CASQ2: variants seen among roughly 807,000 people sequenced by gnomAD.
CASQ2 encodes the protein calsequestrin-2.
Under a neutral mutation model 46.5 loss-of-function variants are expected in CASQ2, and 49 were observed. The ratio of observed to expected loss-of-function variants is 1.05; its 90% CI spans 0.84 to 1.34. The LOEUF is 1.34. CASQ2 is among the 40% of genes most tolerant of loss of function. The pLI, the probability that CASQ2 is intolerant of heterozygous loss-of-function variation, is 0.00. For missense variants in CASQ2, 486 were observed against 481.3 expected (o/e 1.01, Z -0.09); for synonymous variants, 174 against 168.5 (o/e 1.03, Z -0.25).
chr1:115,720,218 A>G (rs533247006), intron 7 of CASQ2, among the ~76,000 whole-genome samples: 1 of 152,114 alleles, frequency 6.6e-6, no homozygotes, highest in South Asian at 2.1e-4. Context: ...TTTATTTCTC[A>G]CTGTTATGGA....
rs1168103884 is a variant in CASQ2, at chr1:115,727,098, T to C, written c.631A>G (p.Met211Val). 6.8e-6 allele frequency: 11 copies of C among 1,613,172 alleles called. No homozygotes were observed. Among genetic ancestry groups the C allele is most frequent in the Non-Finnish European group, 8.5e-6 (10 of 1,179,190 alleles). Residue 211 changes from methionine to valine, a missense_variant, in exon 6 of 11, where the codon ATG becomes GTG. Coordinates refer to ENST00000261448, the MANE Select transcript of CASQ2 (RefSeq NM_001232.4). ...KGVAKKLSLK[M>V]NEVDFYEPFM... Reference sequence around the variant, plus strand: ...GGCTCATAGAAGTCAACCTCATTCATCTTCAAAGATAATTTCTTTGCAACC... The same window carrying C: ...GGCTCATAGAAGTCAACCTCATTCACCTTCAAAGATAATTTCTTTGCAACC...
At chr1:115,701,567 T>G in intron 10 of CASQ2, 141 bp from the exon 11 acceptor site, 1 of 706,752 alleles carries the variant, frequency 1.4e-6, no homozygotes, top group East Asian at 2.7e-5. Context: ...TAAATGGAAA[T>G]GCCAAACGGC....
chr1:115,701,200 G>A lies in CASQ2; in HGVS notation c.*41C>T, dbSNP rs1654190545. ...CCTTGTGCTGTCTGTATGGTAGTGG[G>A]TGCTGTGATTTTGTTTTCATCAGAA... On this transcript the variant is annotated 3_prime_UTR_variant, in exon 11 of 11. Transcript: ENST00000261448. 1.2e-6 allele frequency: 2 copies of A among 1,613,054 alleles called. No homozygotes were observed. Among genetic ancestry groups the A allele is most frequent in the East Asian group, 2.2e-5 (1 of 44,890 alleles).
At chr1:115,731,779 C>A (rs566907451) in intron 5 of CASQ2, among the ~76,000 whole-genome samples, 1 of 152,270 alleles carries the variant, frequency 6.6e-6, no homozygotes, top group South Asian at 2.1e-4. Flanking sequence ...AATGAGGATA[C>A]TAATTCCTCC....
At chr1:115,723,268 A>G (rs1570813008) in intron 7 of CASQ2, among the ~76,000 whole-genome samples, 1 of 90,158 alleles carries the variant, frequency 1.1e-5, no homozygotes, top group African/African-American at 3.9e-5. Context: ...CTATCTATCT[A>G]TCTATCATCT....
chr1:115,765,099 C>T (rs1649087438), intron 1 of CASQ2, among the ~76,000 whole-genome samples: 1 of 152,152 alleles, frequency 6.6e-6, no homozygotes, highest in Non-Finnish European at 1.5e-5. Flanking sequence ...TTCCTCTTTC[C>T]TCTACTCTCC....
chr1:115,715,673 G>A (rs1654678504), intron 8 of CASQ2, among the ~76,000 whole-genome samples: 2 of 152,078 alleles, frequency 1.3e-5, no homozygotes, highest in Admixed American at 6.6e-5. Context: ...CTTTAAAAGG[G>A]TTACTATTAT....
chr1:115,756,270 C>T (rs1332514925), intron 1 of CASQ2, among the ~76,000 whole-genome samples: 2 of 152,194 alleles, frequency 1.3e-5, no homozygotes, highest in African/African-American at 2.4e-5. Flanking sequence ...TGCAAGATGC[C>T]TTACTGGCCC....
intron 1 of CASQ2, among the ~76,000 whole-genome samples, chr1:115,751,098 C>A (rs1380656661): frequency 6.6e-6 from 1 of 152,224 alleles, no homozygotes; most frequent in African/African-American, 2.4e-5. Context: ...TTCAATGGGA[C>A]TGTTTTGATG....
intron 5 of CASQ2, among the ~76,000 whole-genome samples, chr1:115,729,369 T>A (rs1647711641): frequency 6.6e-6 from 1 of 152,154 alleles, no homozygotes; most frequent in Admixed American, 6.5e-5. Flanking sequence ...TTCATTCTTA[T>A]TATTCCTATC....
chr1:115,747,787 T>C (rs1055587376), intron 1 of CASQ2, among the ~76,000 whole-genome samples: 1 of 152,230 alleles, frequency 6.6e-6, no homozygotes, highest in African/African-American at 2.4e-5. Context: ...TGCAAGTATA[T>C]AGATATACAA....
At position 115,700,050 on chromosome 1, in the gene CASQ2, ATTAG is replaced by A. The variant is rs886045155; in HGVS notation, c.*1187_*1190del. 25 of 152,774 alleles carry A rather than the reference ATTAG, an allele frequency of 1.6e-4. No homozygotes were observed. The highest frequency in any genetic ancestry group is 4.1e-4 in the South Asian group (2 of 4,834). The allele number at this position is 152,774 out of a possible 1,614,324, so 9.5% of individuals were successfully genotyped here. ...TTCAAAATATGAGTTTAATGACAGAATTAGTTAGCTAGTATTCCACAAAAAGTAT... is the reference window on the plus strand; with the variant it reads ...TTCAAAATATGAGTTTAATGACAGAATTAGCTAGTATTCCACAAAAAGTAT... On this transcript the variant is annotated 3_prime_UTR_variant, in exon 11 of 11. Coordinates refer to ENST00000261448, the MANE Select transcript of CASQ2 (RefSeq NM_001232.4).
chr1:115,738,491 AG>A (rs760246868), intron 3 of CASQ2, among the ~76,000 whole-genome samples, 156 bp from the exon 4 acceptor site: 58 of 152,332 alleles, frequency 3.8e-4, no homozygotes, highest in Middle Eastern at 3.4e-3. Flanking sequence ...TGAGCATACC[AG>A]CAGTACCTTC....
intron 1 of CASQ2, among the ~76,000 whole-genome samples, chr1:115,758,083 A>G (rs1170758316): frequency 6.6e-6 from 1 of 152,242 alleles, no homozygotes; most frequent in Non-Finnish European, 1.5e-5. Flanking sequence ...CTGTCCCTTC[A>G]TAAGTTGGCA....
intron 1 of CASQ2, among the ~76,000 whole-genome samples, chr1:115,768,046 A>G (rs1337535459): frequency 1.3e-5 from 2 of 152,158 alleles, no homozygotes; most frequent in Non-Finnish European, 2.9e-5. Context: ...TTGAAAAGTC[A>G]AGGGGGCCAT....
chr1:115,726,952 AGACCCCAGG>A, intron 6 of CASQ2, 31 bp downstream of exon 6: 1 of 609,398 alleles, frequency 1.6e-6, no homozygotes, highest in Non-Finnish European at 3.0e-6. Flanking sequence ...TCCATTCCCC[AGACCCCAGG>A]CCCCCAGCCC....
intron 7 of CASQ2, among the ~76,000 whole-genome samples, chr1:115,722,931 C>T (rs1344808307): frequency 2.0e-5 from 3 of 151,984 alleles, no homozygotes; most frequent in Non-Finnish European, 4.4e-5. Flanking sequence ...ACCTGTAATC[C>T]CAGCTACTTG....
Position 115,768,543 on chromosome 1 carries a change from T to G in CASQ2, c.-2A>C. On this transcript the variant is annotated 5_prime_UTR_variant, in exon 1 of 11. Coordinates refer to ENST00000261448, the MANE Select transcript of CASQ2 (RefSeq NM_001232.4). Reference sequence around the variant, plus strand: ...AATAAACAAGTGAGTTCTCTTCATTTGGGAAAACTTTTGTTTCTCGTTCCC... The same window carrying G: ...AATAAACAAGTGAGTTCTCTTCATTGGGGAAAACTTTTGTTTCTCGTTCCC... 1.2e-6 allele frequency: 2 copies of G among 1,600,806 alleles called. No individual in the cohort carries two copies. The highest frequency in any genetic ancestry group is 2.2e-5 in the South Asian group (2 of 90,794).
intron 5 of CASQ2, among the ~76,000 whole-genome samples, chr1:115,728,265 G>A (rs940939616): frequency 2.0e-5 from 3 of 152,110 alleles, no homozygotes; most frequent in Middle Eastern, 3.2e-3. Context: ...GTCATCAATT[G>A]CTATGAATTC....
Sources: gnomAD v4.1 joint callset for allele counts (sites outside exome capture counted in the v4.1 genomes callset) on GRCh38, gnomAD v4.1.1 for gene constraint, MANE v1.5 for transcripts, NCBI Gene and HGNC (gene_info 2026-07-23, HGNC 2026-07-21) for gene names.